The following SHROOM3 variants were observed in gnomAD, a reference collection of about 807,000 sequenced individuals.
The protein encoded by SHROOM3 is shroom family member 3, also known as protein Shroom3.
Under a neutral mutation model 138.6 loss-of-function variants are expected in SHROOM3, and 47 were observed. The observed-to-expected ratio is 0.34, with a 90% CI of 0.27 to 0.43. The LOEUF is 0.43. Among genes scored for constraint, SHROOM3 ranks in the 20% least tolerant of loss-of-function variants. SHROOM3 has a pLI of 1.00. For missense variants in SHROOM3, 2,491 were observed against 2,596.5 expected (o/e 0.96, Z 0.88); for synonymous variants, 1,062 against 1,063.3 (o/e 1.00, Z 0.02).
intron 2 of SHROOM3, among the ~76,000 whole-genome samples, chr4:76,674,798 G>A (rs545903586): frequency 7.2e-4 from 110 of 151,810 alleles, no homozygotes; most frequent in African/African-American, 2.4e-3. Flanking sequence ...CAAGTGATCC[G>A]CCTGCCTCGG....
At chr4:76,601,204 C>T (rs1489526629) in intron 2 of SHROOM3, among the ~76,000 whole-genome samples, 1 of 152,148 alleles carries the variant, frequency 6.6e-6, no homozygotes, top group African/African-American at 2.4e-5. Flanking sequence ...GGCGATTTCC[C>T]TCCAGGGGAC....
chr4:76,771,448 G>A (rs1722354779), intron 10 of SHROOM3, among the ~76,000 whole-genome samples: 2 of 151,966 alleles, frequency 1.3e-5, no homozygotes, highest in East Asian at 1.9e-4. Flanking sequence ...ACAGGCACCA[G>A]AGTTTCTTTC....
intron 3 of SHROOM3, among the ~76,000 whole-genome samples, chr4:76,727,713 G>A (rs893823668): frequency 6.6e-6 from 1 of 151,556 alleles, no homozygotes; most frequent in Non-Finnish European, 1.5e-5. Context: ...TATGGTGAAA[G>A]CCTGTCTCTA....
intron 2 of SHROOM3, among the ~76,000 whole-genome samples, chr4:76,700,203 A>G (rs754309227): frequency 1.4e-4 from 21 of 152,194 alleles, no homozygotes; most frequent in Admixed American, 9.8e-4. Context: ...TCTGGAGTCA[A>G]ATTCTTTTTT....
At chr4:76,713,631 G>A (rs1720293123) in intron 3 of SHROOM3, among the ~76,000 whole-genome samples, 1 of 152,158 alleles carries the variant, frequency 6.6e-6, no homozygotes, top group African/African-American at 2.4e-5. Context: ...ACATAAGCCA[G>A]TAACACACAT....
At chr4:76,485,942 T>G (rs1488209251) in intron 1 of SHROOM3, among the ~76,000 whole-genome samples, 1 of 152,214 alleles carries the variant, frequency 6.6e-6, no homozygotes, top group Non-Finnish European at 1.5e-5. Flanking sequence ...AATATGATCA[T>G]AGCTTGGCCA....
chr4:76,441,260 A>T (rs1250186300), intron 1 of SHROOM3, among the ~76,000 whole-genome samples: 1 of 151,538 alleles, frequency 6.6e-6, no homozygotes, highest in African/African-American at 2.4e-5. Flanking sequence ...CGCCTGGCTA[A>T]TTTTTTGTAT....
At chr4:76,488,044 T>C (rs527257595) in intron 1 of SHROOM3, among the ~76,000 whole-genome samples, 41 of 152,332 alleles carry the variant, frequency 2.7e-4, no homozygotes, top group Admixed American at 2.4e-3. Context: ...ACCCTGAAAC[T>C]ATGAAGAAGC....
At chr4:76,548,712 C>T (rs1733280485) in intron 1 of SHROOM3, among the ~76,000 whole-genome samples, 1 of 152,198 alleles carries the variant, frequency 6.6e-6, no homozygotes, top group Admixed American at 6.5e-5. Context: ...AAAATCAACG[C>T]CTCTTATGTC....
intron 2 of SHROOM3, among the ~76,000 whole-genome samples, chr4:76,567,441 G>T (rs1022062233): frequency 1.1e-4 from 17 of 152,218 alleles, no homozygotes; most frequent in African/African-American, 3.6e-4. Context: ...ATGAGGTCAG[G>T]AGATCAAGAC....
intron 2 of SHROOM3, chr4:76,688,961 CTTT>C (rs71212442): frequency 0.014 from 11,630 of 825,234 alleles, 3 homozygotes; most frequent in South Asian, 0.027. Flanking sequence ...GTAATGCGAG[CTTT>C]TTTTTTTTTT....
intron 2 of SHROOM3, among the ~76,000 whole-genome samples, chr4:76,632,697 A>G (rs76397483): frequency 0.015 from 2,355 of 152,322 alleles, 56 homozygotes; most frequent in African/African-American, 0.054. Context: ...AGGCAGGACT[A>G]CAAGCAGTAT....
chr4:76,774,416 C>T (rs1460805099), intron 10 of SHROOM3, among the ~76,000 whole-genome samples: 2 of 151,928 alleles, frequency 1.3e-5, no homozygotes, highest in African/African-American at 2.4e-5. Context: ...AAATAGTTAC[C>T]AAATGGGGAG....
At chr4:76,565,880 C>T (rs1733710740) in intron 2 of SHROOM3, among the ~76,000 whole-genome samples, 1 of 152,044 alleles carries the variant, frequency 6.6e-6, no homozygotes, top group Non-Finnish European at 1.5e-5. Flanking sequence ...CTTTGGAAGG[C>T]CGAGGCAGGA....
Position 76,657,904 on chromosome 4 carries a change from G to T in SHROOM3, c.324-52252G>T, listed in dbSNP as rs567556822. On this transcript the variant is annotated intron_variant, in intron 2 of 10. Coordinates refer to ENST00000296043, the MANE Select transcript of SHROOM3 (RefSeq NM_020859.4). ...AGTGCCAGCTGGGTGTTCCCTTCTG[G>T]TCAAGTGGAGACAGTCCTAGAACTG... Among the ~76,000 whole-genome samples, 15 of 152,288 alleles carry T rather than the reference G, an allele frequency of 9.8e-5. No individual in the cohort carries two copies. The South Asian group carries it at 3.1e-3, about 32-fold the overall frequency.
Position 76,779,172 on chromosome 4 carries a change from C to T in SHROOM3, c.5986C>T (p.Leu1996Phe). The T allele has an allele frequency of 6.2e-7, 1 of 1,600,392 alleles. No homozygotes were observed. Residue 1996 changes from leucine to phenylalanine, a missense_variant, in exon 11 of 11, where the codon CTT becomes TTT. Leu to Phe is a conservative substitution (Grantham distance 22). This residue lies in a region of SHROOM3 where 470 missense variants were observed against 595.0 expected (regional missense o/e 0.79). Coordinates refer to ENST00000296043, the MANE Select transcript of SHROOM3 (RefSeq NM_020859.4). ...TATTTTCCCAACATTAACCTCTCCA[C>T]TTTAACCTCTTCTAAAATACCCAAC... ...SGIFPTLTSPL is the reference protein window; with the variant it reads ...SGIFPTLTSPF
intron 1 of SHROOM3, among the ~76,000 whole-genome samples, chr4:76,504,637 A>T (rs187399865): frequency 3.9e-4 from 60 of 152,376 alleles, no homozygotes; most frequent in African/African-American, 1.4e-3. Flanking sequence ...TTAATAATAT[A>T]GTATGTGTAA....
chr4:76,738,348 T>G (rs1327407624), intron 4 of SHROOM3, among the ~76,000 whole-genome samples: 1 of 152,194 alleles, frequency 6.6e-6, no homozygotes, highest in Non-Finnish European at 1.5e-5. Context: ...ATTCTCTTAT[T>G]AACTTTTTCC....
intron 2 of SHROOM3, among the ~76,000 whole-genome samples, chr4:76,651,861 G>A (rs115542865): frequency 1.5e-3 from 221 of 152,162 alleles, no homozygotes; most frequent in African/African-American, 5.0e-3. Flanking sequence ...ACAGCAAATC[G>A]GGGTATTGGC....
Sources: gnomAD v4.1 joint callset for allele counts (sites outside exome capture counted in the v4.1 genomes callset) on GRCh38, gnomAD v4.1.1 for gene constraint, gnomAD v4.1.1 regional missense constraint, MANE v1.5 for transcripts, NCBI Gene and HGNC (gene_info 2026-07-23, HGNC 2026-07-21) for gene names.